Variants in ARHGAP20 observed in about 807,000 individuals in gnomAD.
ARHGAP20 encodes the protein rho GTPase-activating protein 20.
In ARHGAP20, 34 loss-of-function variants were observed where a neutral mutation model predicts 73.7. The ratio of observed to expected loss-of-function variants is 0.46; its 90% CI spans 0.35 to 0.61. The LOEUF is 0.61. Among genes scored for constraint, ARHGAP20 ranks in the 20% least tolerant of loss-of-function variants. The pLI, the probability that ARHGAP20 is intolerant of heterozygous loss-of-function variation, is 0.00. For missense variants in ARHGAP20, 1,314 were observed against 1,420.9 expected (o/e 0.92, Z 1.21); for synonymous variants, 523 against 518.2 (o/e 1.01, Z -0.13).
intron 8 of ARHGAP20, among the ~76,000 whole-genome samples, chr11:110,607,397 C>G (rs779384163): frequency 1.3e-5 from 2 of 152,100 alleles, no homozygotes; most frequent in East Asian, 1.9e-4. Context: ...GAAACAGATG[C>G]AAAAACGAAT....
In ARHGAP20 at chr11:110,611,317, C is replaced by T; in HGVS notation, c.700G>A (p.Gly234Arg). 1 of 1,554,706 alleles carries T rather than the reference C, an allele frequency of 6.4e-7. No homozygotes were observed. The highest frequency in any genetic ancestry group is 8.7e-7 in the Non-Finnish European group (1 of 1,143,650). Residue 234 changes from glycine (G) to arginine (R), a missense_variant, in exon 7 of 15, where the codon GGG becomes AGG. Transcript: ENST00000683387. ...EVINMSLPML[G>R]ITGSERDYQL... ...CTAGCAGAATAACTTACAGTTATCC[C>T]TAGCATTGGTAATGACATGTTGATA...
chr11:110,693,629 G>A (rs1294152692), intron 1 of ARHGAP20, among the ~76,000 whole-genome samples: 1 of 151,866 alleles, frequency 6.6e-6, no homozygotes, highest in Non-Finnish European at 1.5e-5. Flanking sequence ...GCTTAAAAGT[G>A]TAACCAAACA....
At chr11:110,636,217 G>T (rs326952) in intron 2 of ARHGAP20, among the ~76,000 whole-genome samples, 1 of 151,824 alleles carries the variant, frequency 6.6e-6, no homozygotes, top group Non-Finnish European at 1.5e-5. Context: ...GTATTGCAAA[G>T]TCAATCATAT....
chr11:110,695,171 A>G (rs1340805787), intron 1 of ARHGAP20, among the ~76,000 whole-genome samples: 1 of 151,626 alleles, frequency 6.6e-6, no homozygotes. Context: ...TTGGACCCTT[A>G]CCTCAGACCA....
At chr11:110,667,368 G>A (rs991616341) in intron 2 of ARHGAP20, among the ~76,000 whole-genome samples, 2 of 152,152 alleles carry the variant, frequency 1.3e-5, no homozygotes, top group Non-Finnish European at 2.9e-5. Context: ...TCTATCATTG[G>A]AGCAACAAAG....
chr11:110,712,655 G>A (rs978456471), upstream of ARHGAP20: 2 of 152,406 alleles, frequency 1.3e-5, no homozygotes, highest in African/African-American at 4.8e-5. Flanking sequence ...CTGTGACTCC[G>A]CGTGGGTGCA....
At chr11:110,673,226 G>C (rs1949864587) in intron 2 of ARHGAP20, among the ~76,000 whole-genome samples, 1 of 152,060 alleles carries the variant, frequency 6.6e-6, no homozygotes. Context: ...CAGAAAGCAA[G>C]AAACTAATAA....
At chr11:110,678,246 T>C (rs1248737217) in intron 2 of ARHGAP20, among the ~76,000 whole-genome samples, 2 of 152,242 alleles carry the variant, frequency 1.3e-5, no homozygotes, top group South Asian at 2.1e-4. Flanking sequence ...TGACAGCTAA[T>C]GGCTATGCAT....
chr11:110,590,289 A>C (rs1947792184), intron 11 of ARHGAP20, among the ~76,000 whole-genome samples: 1 of 152,170 alleles, frequency 6.6e-6, no homozygotes, highest in African/African-American at 2.4e-5. Flanking sequence ...CTTCATTAAG[A>C]AGGTAGTAAG....
intron 2 of ARHGAP20, among the ~76,000 whole-genome samples, chr11:110,656,301 G>A (rs1949465475): frequency 6.6e-6 from 1 of 151,664 alleles, no homozygotes; most frequent in East Asian, 1.9e-4. Flanking sequence ...AGCCTCTGAG[G>A]TAGGGTCTTC....
chr11:110,711,923 CG>C, intron 1 of ARHGAP20: 1 of 1,254,370 alleles, frequency 8.0e-7, no homozygotes, highest in South Asian at 3.5e-5. Flanking sequence ...AACGGAGAAG[CG>C]GGCGCTCTGC....
intron 3 of ARHGAP20, among the ~76,000 whole-genome samples, chr11:110,627,696 TGATAATAGTGA>T (rs1948775348): frequency 6.6e-6 from 1 of 152,236 alleles, no homozygotes. Flanking sequence ...TCATAAAATA[TGATAATAGTGA>T]TGGCTTACGA....
At position 110,577,239 on chromosome 11, in the gene ARHGAP20, A is replaced by C. The variant is rs1157450743; in HGVS notation, c.*2131T>G. On this transcript the variant is annotated 3_prime_UTR_variant, in exon 15 of 15. Transcript: ENST00000683387. ...ATTATACAAACTCAAAGCATTTTAG[A>C]TAAAGCATCAGTCTAATATATTATA... 2.7e-6 allele frequency: 4 copies of C among 1,489,784 alleles called. No homozygotes were observed. The highest frequency in any genetic ancestry group is 2.5e-5 in the East Asian group (1 of 40,388). The allele number at this position is 1,489,784 out of a possible 1,614,324, so 92.3% of individuals were successfully genotyped here.
chr11:110,636,542 C>T (rs111459004), intron 2 of ARHGAP20, among the ~76,000 whole-genome samples: 6 of 152,066 alleles, frequency 3.9e-5, no homozygotes, highest in Admixed American at 2.0e-4. Context: ...TGCTGGTGTC[C>T]GGGAGAATTC....
chr11:110,587,156 T>C (rs893495340), intron 11 of ARHGAP20, among the ~76,000 whole-genome samples: 1 of 152,204 alleles, frequency 6.6e-6, no homozygotes, highest in African/African-American at 2.4e-5. Context: ...ACAAAAAGCT[T>C]AAAAATAACA....
chr11:110,588,898 C>T (rs947387733), intron 11 of ARHGAP20, among the ~76,000 whole-genome samples: 5 of 152,060 alleles, frequency 3.3e-5, no homozygotes, highest in East Asian at 1.9e-4. Context: ...AGTGAAACCC[C>T]GTCTCTACTA....
At chr11:110,581,962 A>G (rs1022034115) in intron 14 of ARHGAP20, among the ~76,000 whole-genome samples, 1 of 151,370 alleles carries the variant, frequency 6.6e-6, no homozygotes, top group Non-Finnish European at 1.5e-5. Flanking sequence ...TCATGCCTCT[A>G]CTACCTCTGG....
chr11:110,709,312 T>G (rs1479959865), intron 1 of ARHGAP20, among the ~76,000 whole-genome samples: 1 of 152,218 alleles, frequency 6.6e-6, no homozygotes, highest in Non-Finnish European at 1.5e-5. Flanking sequence ...CTGCTGTACA[T>G]AACCCAACTA....
chr11:110,602,209 G>A (rs2134864234), intron 9 of ARHGAP20, among the ~76,000 whole-genome samples: 1 of 134,184 alleles, frequency 7.5e-6, no homozygotes, highest in South Asian at 2.3e-4. Flanking sequence ...CATCTATCAG[G>A]ATACCACAAC....
Sources: gnomAD v4.1 joint callset for allele counts (sites outside exome capture counted in the v4.1 genomes callset) on GRCh38, gnomAD v4.1.1 for gene constraint, MANE v1.5 for transcripts, NCBI Gene and HGNC (gene_info 2026-07-23, HGNC 2026-07-21) for gene names.